KIF2A: variants seen among roughly 807,000 people sequenced by gnomAD.
KIF2A encodes kinesin family member 2A, also known as kinesin-like protein KIF2A.
KIF2A carries 22 observed loss-of-function variants against 100.2 expected under a neutral mutation model. That is an observed-to-expected ratio of 0.22 (90% CI 0.16 to 0.31). KIF2A has a LOEUF of 0.31. Ranked by LOEUF, KIF2A falls within the 10% of genes least tolerant of loss-of-function variation. KIF2A has a pLI of 1.00. For missense variants in KIF2A, 495 were observed against 898.7 expected (o/e 0.55, Z 5.74); for synonymous variants, 268 against 285.9 (o/e 0.94, Z 0.63).
chr5:62,362,487 TAAG>T lies in KIF2A; in HGVS notation c.1069_1071del (p.Lys357del). On this transcript the variant is annotated inframe_deletion, in exon 12 of 21. Coordinates refer to ENST00000407818, the MANE Select transcript of KIF2A (RefSeq NM_001098511.3). ...TTTTAATGCTAAAGAAGCCAAACTA[TAAG>T]AAGCTAGAACTTCAAGTATATGCAA... 6.8e-7 allele frequency: 1 copy of T among 1,467,902 alleles called. No individual in the cohort carries two copies. Among genetic ancestry groups the T allele is most frequent in the Non-Finnish European group, 9.0e-7 (1 of 1,111,832 alleles). The allele number at this position is 1,467,902 out of a possible 1,614,324, so 90.9% of individuals were successfully genotyped here. A position where few individuals can be genotyped will look rare whatever the true frequency, so the allele number is the denominator to read the frequency against.
chr5:62,344,557 G>A (rs1163941500), intron 1 of KIF2A, among the ~76,000 whole-genome samples: 2 of 152,168 alleles, frequency 1.3e-5, no homozygotes, highest in Admixed American at 6.6e-5. Flanking sequence ...CTGTTGGTGA[G>A]AATGTATACA....
chr5:62,321,937 T>C (rs1746110757), intron 1 of KIF2A, among the ~76,000 whole-genome samples: 1 of 152,156 alleles, frequency 6.6e-6, no homozygotes, highest in African/African-American at 2.4e-5. Context: ...CTCTTTTTTT[T>C]TGAGACAGCG....
At chr5:62,316,063 T>C (rs745588801) in intron 1 of KIF2A, among the ~76,000 whole-genome samples, 7 of 152,142 alleles carry the variant, frequency 4.6e-5, no homozygotes, top group South Asian at 2.1e-4. Flanking sequence ...TGTAGAGGAC[T>C]GTAGAGCCTA....
rs1316182621 is a variant in KIF2A at position 62,390,224 on chromosome 5, T to C, written c.*4655T>C. On this transcript the variant is annotated 3_prime_UTR_variant, in exon 21 of 21. Coordinates refer to ENST00000407818, the MANE Select transcript of KIF2A (RefSeq NM_001098511.3). ...CATCTTAATGATTAAAAACAGTAAG[T>C]ACAGGTTAGTAATTACCTGGGTAAT... 2.0e-5 allele frequency among the ~76,000 whole-genome samples: 3 copies of C among 152,212 alleles called. No individual in the cohort carries two copies. The highest frequency in any genetic ancestry group is 4.8e-5 in the African/African-American group (2 of 41,456).
At chr5:62,377,624 C>A in intron 18 of KIF2A, 37 bp from the exon 19 acceptor site, 1 of 1,131,046 alleles carries the variant, frequency 8.8e-7, no homozygotes, top group Non-Finnish European at 1.3e-6. Context: ...TTAAAATACA[C>A]ACTATATCAT....
chr5:62,361,534 CTG>C lies in KIF2A; in HGVS notation c.1027+7_1027+8del, dbSNP rs781229638. The C allele has an allele frequency of 2.6e-6, 4 of 1,524,028 alleles. No individual in the cohort carries two copies. Among genetic ancestry groups the C allele is most frequent in the Non-Finnish European group, 3.6e-6 (4 of 1,102,754 alleles). 94.4% of individuals were successfully genotyped at this position (1,524,028 alleles called of 1,614,324 possible). ...AAGGAATTTATGCATTAGCAGGTAA[CTG>C]TCCTTTTTCCATAAAATTTGGAATA... On this transcript the variant is annotated splice_donor_region_variant and intron_variant, in intron 11 of 20. Coordinates refer to ENST00000407818, the MANE Select transcript of KIF2A (RefSeq NM_001098511.3).
chr5:62,306,438 T>A lies in KIF2A; in HGVS notation c.-35T>A. The A allele has an allele frequency of 1.5e-6, 1 of 679,710 alleles. No individual in the cohort carries two copies. Among genetic ancestry groups the A allele is most frequent in the Non-Finnish European group, 1.9e-6 (1 of 528,788 alleles). 42.1% of individuals were successfully genotyped at this position (679,710 alleles called of 1,614,324 possible). A position where few individuals can be genotyped will look rare whatever the true frequency, so the allele number is the denominator to read the frequency against. ...CGCCTTTTCCGCCCTCCGGTCCCCC[T>A]CCCTCGGCCCGCTGCTGCTGCTCCA... On this transcript the variant is annotated 5_prime_UTR_variant, in exon 1 of 21. Transcript: ENST00000407818.
In KIF2A at chr5:62,307,986, C is replaced by T. The variant is rs140802188; in HGVS notation, c.64+1450C>T. Among the ~76,000 whole-genome samples the T allele has an allele frequency of 4.6e-5, 7 of 152,320 alleles. No homozygotes were observed. In the East Asian group the frequency reaches 1.2e-3, roughly 25 times the overall value. On this transcript the variant is annotated intron_variant, in intron 1 of 20. Transcript: ENST00000407818. ...GCCTAGTCAGTAGTAACTTGGCTGT[C>T]ACGTCCACGTGCCCCTTGGATTCTG...
chr5:62,331,913 C>T (rs1019041709), intron 1 of KIF2A, among the ~76,000 whole-genome samples: 1 of 152,046 alleles, frequency 6.6e-6, no homozygotes, highest in African/African-American at 2.4e-5. Flanking sequence ...TAATAAAATA[C>T]ATATTTTTGT....
At chr5:62,323,507 A>G (rs1746212758) in intron 1 of KIF2A, among the ~76,000 whole-genome samples, 1 of 151,280 alleles carries the variant, frequency 6.6e-6, no homozygotes, top group Non-Finnish European at 1.5e-5. Context: ...TGGGCGACAG[A>G]GCGAGACTCT....
intron 1 of KIF2A, among the ~76,000 whole-genome samples, chr5:62,324,990 T>C (rs991753027): frequency 2.6e-5 from 4 of 152,048 alleles, no homozygotes; most frequent in Admixed American, 6.6e-5. Flanking sequence ...AAGAAACAAT[T>C]CAAGCAAAAA....
intron 1 of KIF2A, among the ~76,000 whole-genome samples, chr5:62,312,419 A>G (rs1745599470): frequency 6.6e-6 from 1 of 152,236 alleles, no homozygotes; most frequent in Non-Finnish European, 1.5e-5. Context: ...AGTCAGAAGT[A>G]TAGTTGTGAT....
Position 62,388,272 on chromosome 5 carries a change from CTA to C in KIF2A, c.*2706_*2707del, listed in dbSNP as rs1742130466. On this transcript the variant is annotated 3_prime_UTR_variant, in exon 21 of 21. Transcript: ENST00000407818. ...AAAACCCTCTGAAATTTTGCTAAGC[CTA>C]TAGTTATCTCCCTAAGAACCATAAA... The C allele has an allele frequency of 6.6e-6, 1 of 152,238 alleles. No homozygotes were observed. Among genetic ancestry groups the C allele is most frequent in the Admixed American group, 6.5e-5 (1 of 15,292 alleles). The allele number at this position is 152,238 out of a possible 1,614,324, so 9.4% of individuals were successfully genotyped here.
intron 1 of KIF2A, among the ~76,000 whole-genome samples, chr5:62,333,108 G>A (rs1746742033): frequency 6.6e-6 from 1 of 152,178 alleles, no homozygotes; most frequent in Non-Finnish European, 1.5e-5. Context: ...TTGGAATGTA[G>A]CTCCAAACTT....
chr5:62,385,056 T>A (rs993183482), intron 20 of KIF2A, among the ~76,000 whole-genome samples: 7 of 152,028 alleles, frequency 4.6e-5, no homozygotes, highest in Non-Finnish European at 7.4e-5. Flanking sequence ...GTGGGAGAAT[T>A]GCTTGAACCC....
chr5:62,354,122 A>G (rs1747984568), intron 6 of KIF2A, among the ~76,000 whole-genome samples: 1 of 152,164 alleles, frequency 6.6e-6, no homozygotes, highest in South Asian at 2.1e-4. Context: ...GGAATTGTGG[A>G]CCTAGTATTA....
At chr5:62,348,279 T>C in intron 3 of KIF2A, 112 bp downstream of exon 3, 2 of 1,161,038 alleles carry the variant, frequency 1.7e-6, no homozygotes, top group Non-Finnish European at 2.4e-6. Context: ...AATTGATTAA[T>C]TTGCTTTTTC....
chr5:62,312,737 A>G (rs1415656065), intron 1 of KIF2A, among the ~76,000 whole-genome samples: 1 of 152,234 alleles, frequency 6.6e-6, no homozygotes, highest in Non-Finnish European at 1.5e-5. Context: ...ATATTAAACT[A>G]TCTCCCAAGA....
At chr5:62,319,528 T>C in intron 1 of KIF2A, among the ~76,000 whole-genome samples, 1 of 152,218 alleles carries the variant, frequency 6.6e-6, no homozygotes, top group East Asian at 1.9e-4. Flanking sequence ...GAGTCCCCTT[T>C]GTTTGCTCTG....
Sources: gnomAD v4.1 joint callset for allele counts (sites outside exome capture counted in the v4.1 genomes callset) on GRCh38, gnomAD v4.1.1 for gene constraint, MANE v1.5 for transcripts, NCBI Gene and HGNC (gene_info 2026-07-23, HGNC 2026-07-21) for gene names.